CDYL2: variants seen among roughly 807,000 people sequenced by gnomAD.
CDYL2 encodes chromodomain Y-like protein 2.
A neutral mutation model predicts 49.4 loss-of-function variants in CDYL2; 23 were observed. The ratio of observed to expected loss-of-function variants is 0.47; its 90% CI spans 0.34 to 0.66. CDYL2 has a LOEUF of 0.66. Among genes scored for constraint, CDYL2 ranks in the 30% least tolerant of loss-of-function variants. The pLI is 0.01. For missense variants in CDYL2, 678 were observed against 656.4 expected, an observed-to-expected ratio of 1.03 and a Z score of -0.36; for synonymous variants, 360 against 268.8, an observed-to-expected ratio of 1.34 and a Z score of -3.32.
At chr16:80,605,027 T>C (rs1050548483) in intron 6 of CDYL2, among the ~76,000 whole-genome samples, 2 of 152,178 alleles carry the variant, frequency 1.3e-5, no homozygotes, top group African/African-American at 4.8e-5. Flanking sequence ...TTAGTAATCA[T>C]GGTAGTAACA....
intron 2 of CDYL2, among the ~76,000 whole-genome samples, chr16:80,652,702 A>G (rs959715841): frequency 9.2e-5 from 14 of 152,304 alleles, no homozygotes; most frequent in African/African-American, 3.4e-4. Flanking sequence ...TCACGTTCTT[A>G]GTCTTTATGA....
intron 1 of CDYL2, among the ~76,000 whole-genome samples, chr16:80,707,416 G>A (rs187422307): frequency 2.0e-5 from 3 of 152,028 alleles, no homozygotes; most frequent in East Asian, 1.9e-4. Flanking sequence ...AGCTACGATC[G>A]TACCACTGCA....
intron 1 of CDYL2, among the ~76,000 whole-genome samples, chr16:80,694,922 G>C (rs1597179906): frequency 6.6e-6 from 1 of 152,070 alleles, no homozygotes; most frequent in Non-Finnish European, 1.5e-5. Flanking sequence ...CCAAATGAAA[G>C]AGCTCCCGAT....
intron 1 of CDYL2, among the ~76,000 whole-genome samples, chr16:80,796,094 T>C (rs376013958): frequency 6.6e-6 from 1 of 152,186 alleles, no homozygotes; most frequent in Non-Finnish European, 1.5e-5. Context: ...TTATCTTACA[T>C]AGTTGTGGGG....
In CDYL2 at chr16:80,620,879, C is replaced by T; in HGVS notation, c.891G>A (p.Leu297=). 1 of 1,611,952 alleles carries T rather than the reference C, an allele frequency of 6.2e-7. No homozygotes were observed. The highest frequency in any genetic ancestry group is 8.5e-7 in the Non-Finnish European group (1 of 1,178,402). ...LCNAATDDSK[L]LLLSAVGSVF... is the part of the protein sequence containing the mutation. ...CGCTCCCCACTGCGCTGAGGAGCAGCAGTTTGCTGTCGTCTGTGGCTGCGT... is the reference window on the plus strand; with the variant it reads ...CGCTCCCCACTGCGCTGAGGAGCAGTAGTTTGCTGTCGTCTGTGGCTGCGT... The change falls in exon 4 of 7, where the codon CTG becomes CTA. Residue 297 remains leucine (L), a synonymous_variant. Coordinates refer to ENST00000570137, the MANE Select transcript of CDYL2 (RefSeq NM_152342.4).
intron 2 of CDYL2, among the ~76,000 whole-genome samples, chr16:80,646,517 G>A (rs75621687): frequency 0.022 from 3,350 of 152,006 alleles, 139 homozygotes; most frequent in African/African-American, 0.077. Context: ...CAGGTCGGGC[G>A]TGGTGGCTCA....
intron 1 of CDYL2, among the ~76,000 whole-genome samples, chr16:80,702,923 G>A (rs1226682254): frequency 6.6e-6 from 1 of 152,182 alleles, no homozygotes; most frequent in African/African-American, 2.4e-5. Context: ...CTCACCCACA[G>A]AAGCCTAAGA....
intron 3 of CDYL2, among the ~76,000 whole-genome samples, chr16:80,630,011 G>A (rs1907485677): frequency 2.0e-5 from 3 of 152,192 alleles, no homozygotes; most frequent in Admixed American, 2.0e-4. Flanking sequence ...AACTTCCCAA[G>A]GTAACAGCAT....
At chr16:80,686,975 T>A (rs930532059) in intron 1 of CDYL2, among the ~76,000 whole-genome samples, 1 of 152,234 alleles carries the variant, frequency 6.6e-6, no homozygotes, top group African/African-American at 2.4e-5. Context: ...AGTAAAATCA[T>A]GCCTAACTAA....
chr16:80,722,335 T>C (rs1276182003), intron 1 of CDYL2, among the ~76,000 whole-genome samples: 5 of 152,204 alleles, frequency 3.3e-5, no homozygotes, highest in Non-Finnish European at 7.3e-5. Flanking sequence ...GATTCTATTA[T>C]TCAGAGGTAC....
intron 2 of CDYL2, among the ~76,000 whole-genome samples, chr16:80,663,946 C>T (rs1474169507): frequency 2.0e-5 from 3 of 152,180 alleles, no homozygotes; most frequent in Admixed American, 2.0e-4. Context: ...ACAAAACTAA[C>T]CTGATTAAAA....
chr16:80,659,848 G>C (rs1418935698), intron 2 of CDYL2, among the ~76,000 whole-genome samples: 1 of 151,784 alleles, frequency 6.6e-6, no homozygotes, highest in East Asian at 1.9e-4. Flanking sequence ...AACTCAAAAA[G>C]AAAAAGTTCT....
chr16:80,764,333 A>G (rs934775072), intron 1 of CDYL2, among the ~76,000 whole-genome samples: 1 of 152,198 alleles, frequency 6.6e-6, no homozygotes, highest in African/African-American at 2.4e-5. Context: ...GACTGTTCTG[A>G]GAGACAGAAA....
At chr16:80,787,845 A>G (rs1470446696) in intron 1 of CDYL2, among the ~76,000 whole-genome samples, 1 of 152,210 alleles carries the variant, frequency 6.6e-6, no homozygotes, top group African/African-American at 2.4e-5. Context: ...AAAGATTAGT[A>G]ATGTGCATGC....
chr16:80,763,789 A>T (rs375920863), intron 1 of CDYL2, among the ~76,000 whole-genome samples: 1 of 152,244 alleles, frequency 6.6e-6, no homozygotes, highest in African/African-American at 2.4e-5. Context: ...AAGCATTAAC[A>T]CTAGGTACTG....
intron 1 of CDYL2, among the ~76,000 whole-genome samples, chr16:80,712,699 G>C (rs1904661804): frequency 6.6e-6 from 1 of 152,162 alleles, no homozygotes; most frequent in Non-Finnish European, 1.5e-5. Context: ...ACAGCCCTAA[G>C]CTACAGTGTA....
intron 1 of CDYL2, among the ~76,000 whole-genome samples, chr16:80,740,966 A>G (rs1411144716): frequency 6.6e-6 from 1 of 151,834 alleles, no homozygotes; most frequent in African/African-American, 2.4e-5. Flanking sequence ...CCCCATCTGG[A>G]TTTTTTAAAC....
intron 4 of CDYL2, among the ~76,000 whole-genome samples, chr16:80,616,228 C>T (rs1906821526): frequency 1.3e-5 from 2 of 152,188 alleles, no homozygotes; most frequent in Non-Finnish European, 2.9e-5. Flanking sequence ...CACTTTCTCC[C>T]TCTGTAAAAT....
At chr16:80,758,955 A>G (rs1906416471) in intron 1 of CDYL2, among the ~76,000 whole-genome samples, 1 of 151,728 alleles carries the variant, frequency 6.6e-6, no homozygotes, top group South Asian at 2.1e-4. Flanking sequence ...TACTAACCAG[A>G]CATTAAGAAT....
Sources: allele counts gnomAD v4.1 joint callset (sites outside exome capture counted in the v4.1 genomes callset), GRCh38; gene constraint gnomAD v4.1.1; transcripts MANE v1.5; gene names NCBI Gene and HGNC (gene_info 2026-07-23, HGNC 2026-07-21).